TRIM2: variants seen among roughly 807,000 people sequenced by gnomAD.
TRIM2 encodes tripartite motif-containing protein 2.
A neutral mutation model predicts 75.2 loss-of-function variants in TRIM2; 20 were observed. The observed-to-expected ratio is 0.27, with a 90% CI of 0.19 to 0.39. The LOEUF (loss-of-function observed/expected upper bound fraction) is 0.39. Ranked by LOEUF, TRIM2 falls within the 10% of genes least tolerant of loss-of-function variation. The probability of loss-of-function intolerance (pLI) is 1.00; values close to 1 mark genes in which losing one functional copy is unlikely to be tolerated. For synonymous variants in TRIM2, 373 were observed against 388.3 expected (o/e 0.96, Z 0.46); for missense variants, 660 against 990.8 (o/e 0.67, Z 4.48).
intron 1 of TRIM2, among the ~76,000 whole-genome samples, chr4:153,180,760 G>A (rs148859035): frequency 6.6e-6 from 1 of 152,222 alleles, no homozygotes; most frequent in Non-Finnish European, 1.5e-5. Flanking sequence ...TTACAGGCCT[G>A]AGCCACAGCA....
chr4:153,266,740 C>T (rs2150016775), intron 1 of TRIM2, among the ~76,000 whole-genome samples: 1 of 150,914 alleles, frequency 6.6e-6, no homozygotes, highest in South Asian at 2.1e-4. Context: ...TTCACCCGAA[C>T]TCCCAAAGTG....
intron 1 of TRIM2, among the ~76,000 whole-genome samples, chr4:153,260,695 C>A (rs1753216661): frequency 3.5e-5 from 2 of 56,508 alleles, no homozygotes; most frequent in East Asian, 5.9e-4. Context: ...CACCCACCCC[C>A]CCCCCCACAC....
intron 1 of TRIM2, among the ~76,000 whole-genome samples, chr4:153,156,126 G>A (rs920233184): frequency 2.0e-5 from 3 of 152,212 alleles, no homozygotes; most frequent in Non-Finnish European, 2.9e-5. Context: ...CACCCCAGCC[G>A]AAGCTGGCCC....
intron 10 of TRIM2, among the ~76,000 whole-genome samples, chr4:153,328,025 A>T (rs1161852992): frequency 6.6e-6 from 1 of 152,200 alleles, no homozygotes; most frequent in Non-Finnish European, 1.5e-5. Flanking sequence ...CTAAGTATGG[A>T]GTCCAGCCTA....
intron 1 of TRIM2, among the ~76,000 whole-genome samples, chr4:153,175,498 T>C (rs908930028): frequency 6.8e-6 from 1 of 146,154 alleles, no homozygotes. Flanking sequence ...GGGGAGGGGG[T>C]GCATGGCAGA....
chr4:153,186,876 A>G (rs1279324731), intron 1 of TRIM2, among the ~76,000 whole-genome samples: 1 of 143,430 alleles, frequency 7.0e-6, no homozygotes, highest in Non-Finnish European at 1.5e-5. Flanking sequence ...GGGAGAACAG[A>G]TTGTCAGAAT....
intron 6 of TRIM2, among the ~76,000 whole-genome samples, chr4:153,305,893 T>C (rs949350075): frequency 6.6e-6 from 1 of 152,082 alleles, no homozygotes; most frequent in Non-Finnish European, 1.5e-5. Context: ...TGGGAGCACT[T>C]TGGGAGGCTG....
At chr4:153,251,753 CA>C (rs1750921509) in intron 1 of TRIM2, among the ~76,000 whole-genome samples, 1 of 152,064 alleles carries the variant, frequency 6.6e-6, no homozygotes. Flanking sequence ...CTGAGATGGG[CA>C]TATCACTTGA....
At chr4:153,221,371 T>C (rs1211615455) in intron 1 of TRIM2, among the ~76,000 whole-genome samples, 2 of 152,136 alleles carry the variant, frequency 1.3e-5, no homozygotes, top group Non-Finnish European at 2.9e-5. Flanking sequence ...AAGGCTGCAG[T>C]GAGCCATGTT....
intron 6 of TRIM2, among the ~76,000 whole-genome samples, chr4:153,309,127 A>C (rs904013920): frequency 1.3e-5 from 2 of 152,238 alleles, no homozygotes; most frequent in Non-Finnish European, 2.9e-5. Flanking sequence ...CAGTTAAATA[A>C]AGTATCATGT....
chr4:153,164,668 T>A (rs1730107626), intron 1 of TRIM2, among the ~76,000 whole-genome samples: 1 of 152,198 alleles, frequency 6.6e-6, no homozygotes, highest in African/African-American at 2.4e-5. Flanking sequence ...TCCTGAAATG[T>A]CCTTGGATAT....
rs1749952979 is a variant in TRIM2, at chr4:153,248,636, G to T, written c.31-21699G>T. On this transcript the variant is annotated intron_variant, in intron 1 of 11. Coordinates refer to ENST00000338700, the MANE Select transcript of TRIM2 (RefSeq NM_015271.5). The surrounding 1 kb of genome is among the most constrained non-coding windows in gnomAD (Gnocchi z 4.0). ...AGGCAAGGAGCAACCTGCAGATAAA[G>T]CAAATCCAGATATGTCTCCAGAGCC... Among the ~76,000 whole-genome samples the T allele has an allele frequency of 6.6e-6, 1 of 152,202 alleles. No homozygotes were observed. Among genetic ancestry groups the T allele is most frequent in the Non-Finnish European group, 1.5e-5 (1 of 68,040 alleles).
intron 1 of TRIM2, among the ~76,000 whole-genome samples, chr4:153,163,431 G>T (rs188488107): frequency 6.7e-4 from 100 of 148,808 alleles, no homozygotes; most frequent in African/African-American, 2.3e-3. Context: ...CTATCTTCCT[G>T]CCTCAGCCTC....
intron 1 of TRIM2, among the ~76,000 whole-genome samples, chr4:153,205,179 T>C (rs1735053025): frequency 6.6e-6 from 1 of 152,158 alleles, no homozygotes. Flanking sequence ...AGAGCGTTTG[T>C]CCTTGACTAC....
chr4:153,253,326 A>C (rs963309094), intron 1 of TRIM2, among the ~76,000 whole-genome samples: 8 of 152,254 alleles, frequency 5.3e-5, no homozygotes, highest in Non-Finnish European at 1.2e-4. Flanking sequence ...TACTCTCCCA[A>C]GCATTGGAGC....
At position 153,244,388 on chromosome 4, in the gene TRIM2, TTCTTCTTCTTCTTCTTCTTCTTCTTC is replaced by T. The variant is rs1560874821; in HGVS notation, c.31-25945_31-25920del. ...CTTCTTCTTCTTCTTCTTCTTCTTC[TTCTTCTTCTTCTTCTTCTTCTTCTTC>T]TTCTTCTTCTTCTTCTTCTTCTTTT... On this transcript the variant is annotated intron_variant, in intron 1 of 11. Transcript: ENST00000338700. Among the ~76,000 whole-genome samples, 116 of 75,042 alleles carry T rather than the reference TTCTTCTTCTTCTTCTTCTTCTTCTTC, an allele frequency of 1.5e-3. 24 individuals are homozygous for T. Among genetic ancestry groups the T allele is most frequent in the African/African-American group, 0.01 (110 of 10,616 alleles). The allele number at this position is 75,042 out of a possible 152,430, so 49.2% of individuals were successfully genotyped here.
intron 3 of TRIM2, among the ~76,000 whole-genome samples, chr4:153,280,086 C>A: frequency 6.8e-6 from 1 of 147,328 alleles, no homozygotes. Flanking sequence ...CCCCCACCCA[C>A]CCCCCAAAAA....
chr4:153,181,552 G>A (rs1732061167), intron 1 of TRIM2, among the ~76,000 whole-genome samples: 1 of 152,124 alleles, frequency 6.6e-6, no homozygotes, highest in Non-Finnish European at 1.5e-5. Flanking sequence ...GACCACACAT[G>A]CTGCCACCTC....
At chr4:153,309,469 A>G (rs1428965890) in intron 6 of TRIM2, among the ~76,000 whole-genome samples, 1 of 152,130 alleles carries the variant, frequency 6.6e-6, no homozygotes, top group African/African-American at 2.4e-5. Context: ...TGGGGGTTGT[A>G]ATTTACTCAC....
Sources: gnomAD v4.1 joint callset for allele counts (sites outside exome capture counted in the v4.1 genomes callset) on GRCh38, gnomAD v4.1.1 for gene constraint, Gnocchi (gnomAD v3.1) non-coding constraint, MANE v1.5 for transcripts, NCBI Gene and HGNC (gene_info 2026-07-23, HGNC 2026-07-21) for gene names.